Variants in FRMD4B observed in about 807,000 individuals in gnomAD.
FRMD4B encodes FERM domain containing 4B.
A neutral mutation model predicts 141.5 loss-of-function variants in FRMD4B; 74 were observed. The observed-to-expected ratio is 0.52, with a 90% CI of 0.43 to 0.63. The LOEUF (loss-of-function observed/expected upper bound fraction) is 0.63, where lower values mean the gene tolerates loss of function less well. Among genes scored for constraint, FRMD4B ranks in the 30% least tolerant of loss-of-function variants. FRMD4B has a pLI of 0.00. For missense variants in FRMD4B, 1,366 were observed against 1,253.4 expected (o/e 1.09, Z -1.36); for synonymous variants, 506 against 467.9 (o/e 1.08, Z -1.05).
rs985927270 is a variant in FRMD4B at position 69,170,921 on chromosome 3, A to G, written c.*940T>C. On this transcript the variant is annotated 3_prime_UTR_variant, in exon 23 of 23. Coordinates refer to ENST00000398540, the MANE Select transcript of FRMD4B (RefSeq NM_015123.3). ...CCATTTTAAGGCACGCAATTCATCTAAAATGACGTGGCTTTTTTTTTCTGT... is the reference window on the plus strand; with the variant it reads ...CCATTTTAAGGCACGCAATTCATCTGAAATGACGTGGCTTTTTTTTTCTGT... 8 of 152,198 alleles carry G rather than the reference A, an allele frequency of 5.3e-5. No individual in the cohort carries two copies. The highest frequency in any genetic ancestry group is 1.4e-4 in the African/African-American group (6 of 41,442). The allele number at this position is 152,198 out of a possible 1,614,324, so 9.4% of individuals were successfully genotyped here.
At chr3:69,457,881 G>A (rs1369200682) in intron 1 of FRMD4B, among the ~76,000 whole-genome samples, 8 of 152,116 alleles carry the variant, frequency 5.3e-5, no homozygotes, top group African/African-American at 1.9e-4. Flanking sequence ...TCTGCTTTTA[G>A]GAGGAGGTAA....
At chr3:69,278,674 C>G (rs902261860) in intron 5 of FRMD4B, among the ~76,000 whole-genome samples, 6 of 151,342 alleles carry the variant, frequency 4.0e-5, no homozygotes, top group African/African-American at 1.5e-4. Context: ...GCAACCTCCA[C>G]CTCCTGGGTT....
At chr3:69,489,587 A>G (rs537284076) in intron 1 of FRMD4B, among the ~76,000 whole-genome samples, 6 of 152,278 alleles carry the variant, frequency 3.9e-5, no homozygotes, top group East Asian at 3.9e-4. Flanking sequence ...CAGATAATAA[A>G]TGTTGGCAAA....
At chr3:69,190,660 C>A (rs1317633190) in intron 17 of FRMD4B, among the ~76,000 whole-genome samples, 3 of 152,180 alleles carry the variant, frequency 2.0e-5, no homozygotes, top group African/African-American at 7.2e-5. Context: ...AGTGACCTGC[C>A]TACCTAGGCC....
intron 2 of FRMD4B, among the ~76,000 whole-genome samples, chr3:69,392,549 T>C (rs1704402123): frequency 6.6e-6 from 1 of 152,134 alleles, no homozygotes; most frequent in South Asian, 2.1e-4. Flanking sequence ...GAGGCTGCTG[T>C]AGAGTTCTAG....
rs368398474 is a variant in FRMD4B at position 69,181,204 on chromosome 3, C to A, written c.2546G>T (p.Arg849Leu). 6.2e-6 allele frequency: 10 copies of A among 1,613,852 alleles called. No homozygotes were observed. Among genetic ancestry groups the A allele is most frequent in the Non-Finnish European group, 1.7e-6 (2 of 1,179,874 alleles). The change falls in exon 21 of 23, where the codon CGC becomes CTC. Residue 849 changes from arginine (R) to leucine (L), a missense_variant. Transcript: ENST00000398540. The part of the protein sequence containing the change: ...YRSSAHYGYE[R>L]QRDYSRSFHE... ...AAAGGATCTGCTGTAGTCCCTCTGGCGCTCATATCCATAGTGGGCTGAGGA... is the reference window on the plus strand; with the variant it reads ...AAAGGATCTGCTGTAGTCCCTCTGGAGCTCATATCCATAGTGGGCTGAGGA...
Position 69,302,446 on chromosome 3 carries a change from A to G in FRMD4B, c.324-11T>C. ...CAGTTCTGCTGACCTCTGTGAGAGC[A>G]AAGCAAAGAAAAAGGATTCAACAGA... On this transcript the variant is annotated splice_polypyrimidine_tract_variant and intron_variant, in intron 3 of 22. Transcript: ENST00000398540. 6 of 1,496,318 alleles carry G rather than the reference A, an allele frequency of 4.0e-6. No homozygotes were observed. The highest frequency in any genetic ancestry group is 5.6e-6 in the Non-Finnish European group (6 of 1,080,876). 92.7% of individuals were successfully genotyped at this position (1,496,318 alleles called of 1,614,324 possible). A position where few individuals can be genotyped will look rare whatever the true frequency, so the allele number is the denominator to read the frequency against.
chr3:69,435,956 C>A (rs1029962474), intron 1 of FRMD4B, among the ~76,000 whole-genome samples: 6 of 151,998 alleles, frequency 3.9e-5, no homozygotes, highest in African/African-American at 1.5e-4. Context: ...TATTTATGGG[C>A]CATTTGTATA....
At position 69,417,711 on chromosome 3, in the gene FRMD4B, C is replaced by T. The variant is rs1241805411; in HGVS notation, c.-1+14923G>A. Among the ~76,000 whole-genome samples, 4 of 152,160 alleles carry T rather than the reference C, an allele frequency of 2.6e-5. No homozygotes were observed. In the East Asian group the frequency reaches 5.8e-4, roughly 22 times the overall value. ...CATTATATTAATTTCATCTGGCTAC[C>T]GTGACAAATTACCATAGCTGATGGC... On this transcript the variant is annotated intron_variant, in intron 2 of 5. Coordinates refer to the FRMD4B transcript ENST00000459638.
chr3:69,541,248 C>A (rs556422881), intron 1 of FRMD4B: 2 of 152,320 alleles, frequency 1.3e-5, no homozygotes, highest in African/African-American at 4.8e-5. Flanking sequence ...CTAGTCGCAG[C>A]CGTCTGGGTA....
chr3:69,198,569 T>C, intron 12 of FRMD4B, 129 bp downstream of exon 12: 1 of 630,528 alleles, frequency 1.6e-6, no homozygotes, highest in East Asian at 2.8e-5. Context: ...GACCCAGCAA[T>C]TCCATTCCTA....
rs369292220 is a variant in FRMD4B at position 69,396,855 on chromosome 3, G to A, written c.-1+35779C>T. Among the ~76,000 whole-genome samples the A allele has an allele frequency of 7.9e-5, 12 of 152,108 alleles. No individual in the cohort carries two copies. In the East Asian group the frequency reaches 9.6e-4, roughly 12 times the overall value. ...ATGTGCCCCACAAAAGTGAAAACAG[G>A]CATTTTAAAAAACCTGTACACAAAT... On this transcript the variant is annotated intron_variant, in intron 2 of 5. Coordinates refer to the FRMD4B transcript ENST00000459638.
chr3:69,368,106 A>C (rs571247436), intron 1 of FRMD4B, among the ~76,000 whole-genome samples: 1 of 152,118 alleles, frequency 6.6e-6, no homozygotes, highest in Admixed American at 6.5e-5. Flanking sequence ...TAATTTATTG[A>C]GTTCTTTTCA....
chr3:69,470,764 CTTT>C (rs1705874966), intron 1 of FRMD4B, among the ~76,000 whole-genome samples: 1 of 152,124 alleles, frequency 6.6e-6, no homozygotes, highest in Non-Finnish European at 1.5e-5. Flanking sequence ...GTCCTAAGTA[CTTT>C]TTCCCCCTAG....
intron 3 of FRMD4B, among the ~76,000 whole-genome samples, chr3:69,308,650 G>C (rs915066250): frequency 1.3e-5 from 2 of 152,198 alleles, no homozygotes; most frequent in Admixed American, 1.3e-4. Flanking sequence ...ATGTTGCCCA[G>C]GCTGGTCTGG....
chr3:69,533,997 A>C (rs1228005237), intron 1 of FRMD4B, among the ~76,000 whole-genome samples: 1 of 152,190 alleles, frequency 6.6e-6, no homozygotes, highest in Non-Finnish European at 1.5e-5. Flanking sequence ...CCCTTGCTAC[A>C]CAAAGTGAGG....
chr3:69,541,506 A>G (rs1701183548), intron 1 of FRMD4B, among the ~76,000 whole-genome samples: 1 of 152,202 alleles, frequency 6.6e-6, no homozygotes, highest in Non-Finnish European at 1.5e-5. Context: ...TTTTGTGAAC[A>G]AGAGCAGGCA....
At chr3:69,265,604 A>C (rs960128492) in intron 5 of FRMD4B, among the ~76,000 whole-genome samples, 4 of 150,896 alleles carry the variant, frequency 2.7e-5, no homozygotes, top group African/African-American at 7.3e-5. Context: ...CCCACCACCA[A>C]GCCCGGCTAA....
rs527479623 is a variant in FRMD4B, at chr3:69,334,054, G to C, written c.163-20537C>G. Reference sequence around the variant, plus strand: ...CTCTCTACAATAACAGAAGTGTCTAGAGTGTGCTGGCCACTGGATATGGCT... The same window carrying C: ...CTCTCTACAATAACAGAAGTGTCTACAGTGTGCTGGCCACTGGATATGGCT... On this transcript the variant is annotated intron_variant, in intron 1 of 22. Transcript: ENST00000398540. 81 of 152,308 alleles carry C rather than the reference G, an allele frequency of 5.3e-4. 1 individual carries two copies. Among genetic ancestry groups the C allele is most frequent in the African/African-American group, 1.8e-3 (75 of 41,554 alleles). 9.4% of individuals were successfully genotyped at this position (152,308 alleles called of 1,614,324 possible). A position where few individuals can be genotyped will look rare whatever the true frequency, so the allele number is the denominator to read the frequency against.
Sources: allele counts gnomAD v4.1 joint callset (sites outside exome capture counted in the v4.1 genomes callset), GRCh38; gene constraint gnomAD v4.1.1; transcripts MANE v1.5; gene names NCBI Gene and HGNC (gene_info 2026-07-23, HGNC 2026-07-21).